MFAP1: variants seen among roughly 807,000 people sequenced by gnomAD.
The protein encoded by MFAP1 is microfibril associated protein 1, also known as microfibrillar-associated protein 1.
Under a neutral mutation model 62.2 loss-of-function variants are expected in MFAP1, and 18 were observed. That is an observed-to-expected ratio of 0.29 (90% CI 0.20 to 0.43). The LOEUF (loss-of-function observed/expected upper bound fraction) is 0.43. Ranked by LOEUF, MFAP1 falls within the 20% of genes least tolerant of loss-of-function variation. The probability of loss-of-function intolerance (pLI) is 1.00; values close to 1 mark genes in which losing one functional copy is unlikely to be tolerated. For synonymous variants in MFAP1, 175 were observed against 180.4 expected (o/e 0.97, Z 0.24); for missense variants, 355 against 559.7 (o/e 0.63, Z 3.69).
chr15:43,811,656 A>C (rs572810136), intron 6 of MFAP1, among the ~76,000 whole-genome samples: 1 of 151,650 alleles, frequency 6.6e-6, no homozygotes, highest in South Asian at 2.1e-4. Context: ...TAACAGGCAC[A>C]CACCACCACA....
At chr15:43,806,495 T>C (rs1288536680) in intron 7 of MFAP1, among the ~76,000 whole-genome samples, 2 of 152,222 alleles carry the variant, frequency 1.3e-5, no homozygotes, top group East Asian at 3.9e-4. Flanking sequence ...CAGTCTCACA[T>C]ACTGTCATGG....
intron 1 of MFAP1, 118 bp downstream of exon 1, chr15:43,824,373 C>G: frequency 1.0e-6 from 1 of 979,290 alleles, no homozygotes; most frequent in Non-Finnish European, 1.5e-6. Context: ...ATCGAAGAAT[C>G]TGGCAGCCAG....
intron 1 of MFAP1, among the ~76,000 whole-genome samples, chr15:43,819,782 C>T (rs1408937322): frequency 1.3e-5 from 2 of 152,192 alleles, no homozygotes; most frequent in Admixed American, 6.5e-5. Context: ...ATCTGCCAGC[C>T]TCAGTATCAT....
intron 7 of MFAP1, among the ~76,000 whole-genome samples, chr15:43,809,407 G>A (rs2087384403): frequency 6.6e-6 from 1 of 151,552 alleles, no homozygotes; most frequent in African/African-American, 2.4e-5. Context: ...GGCTGAAGCA[G>A]GTGTAAAGCG....
intron 1 of MFAP1, among the ~76,000 whole-genome samples, chr15:43,821,093 T>G (rs2087464260): frequency 6.6e-6 from 1 of 152,096 alleles, no homozygotes; most frequent in South Asian, 2.1e-4. Flanking sequence ...AGCACTGTAT[T>G]TTTTGGGGTC....
chr15:43,814,891 G>A, intron 3 of MFAP1, 54 bp downstream of exon 3: 1 of 1,605,190 alleles, frequency 6.2e-7, no homozygotes. Context: ...ATGAGCACTG[G>A]CATGAACTTT....
rs2087352004 is a variant in MFAP1 at position 43,804,915 on chromosome 15, C to T, written c.*179G>A. The T allele has an allele frequency of 3.5e-6, 2 of 578,498 alleles. No individual in the cohort carries two copies. Among genetic ancestry groups the T allele is most frequent in the South Asian group, 7.3e-5 (2 of 27,536 alleles). The allele number at this position is 578,498 out of a possible 1,614,324, so 35.8% of individuals were successfully genotyped here. A position where few individuals can be genotyped will look rare whatever the true frequency, so the allele number is the denominator to read the frequency against. On this transcript the variant is annotated 3_prime_UTR_variant, in exon 9 of 9. Coordinates refer to ENST00000267812, the MANE Select transcript of MFAP1 (RefSeq NM_005926.3). ...GGACAGTGCTTTCCTGTGGGTTTCT[C>T]AGCATGAGTCCAAACCTCACAAAGC...
At chr15:43,815,184 GTTT>G (rs376034405) in intron 2 of MFAP1, 110 bp from the exon 3 acceptor site, 10 of 1,181,176 alleles carry the variant, frequency 8.5e-6, no homozygotes, top group East Asian at 2.7e-5. Flanking sequence ...TAATACTGAA[GTTT>G]TTTTTTTTTT....
rs1440521560 is a variant in MFAP1 at position 43,805,084 on chromosome 15, C to T, written c.*10G>A. ...TGTGTTCCACAGTTGGAAGAATAAG[C>T]AGTTGGACCCTAGGTAGTTTTCCGC... On this transcript the variant is annotated 3_prime_UTR_variant, in exon 9 of 9. Transcript: ENST00000267812. 1 of 1,564,280 alleles carries T rather than the reference C, an allele frequency of 6.4e-7. No homozygotes were observed. The highest frequency in any genetic ancestry group is 2.3e-5 in the East Asian group (1 of 43,830).
intron 1 of MFAP1, among the ~76,000 whole-genome samples, chr15:43,824,051 TTAA>T (rs1245863399): frequency 2.0e-5 from 3 of 151,852 alleles, no homozygotes; most frequent in Admixed American, 1.3e-4. Context: ...AATTATTAGA[TTAA>T]TAATATACTT....
chr15:43,815,211 G>T, intron 2 of MFAP1, 137 bp from the exon 3 acceptor site: 1 of 1,098,186 alleles, frequency 9.1e-7, no homozygotes, highest in Non-Finnish European at 1.3e-6. Flanking sequence ...GCAGGGTCTT[G>T]CTCTGTCGCC....
At position 43,805,283 on chromosome 15, in the gene MFAP1, G is replaced by T; in HGVS notation, c.1138-7C>A. The stretch of plus-strand genomic sequence containing the variant: ...AGCGTCCAAAGTTCTTGACCTGAGG[G>T]AAGGATGGATGATGAGTTATACCAC... On this transcript the variant is annotated splice_polypyrimidine_tract_variant and splice_region_variant and intron_variant, in intron 8 of 8. Transcript: ENST00000267812. 1 of 1,595,592 alleles carries T rather than the reference G, an allele frequency of 6.3e-7. No homozygotes were observed. The highest frequency in any genetic ancestry group is 8.6e-7 in the Non-Finnish European group (1 of 1,166,788).
intron 7 of MFAP1, among the ~76,000 whole-genome samples, chr15:43,808,198 A>C (rs2087377600): frequency 6.6e-6 from 1 of 152,220 alleles, no homozygotes; most frequent in African/African-American, 2.4e-5. Context: ...TTGTTTAAGA[A>C]AGACTTTTTA....
At chr15:43,809,118 A>G (rs951483184) in intron 7 of MFAP1, among the ~76,000 whole-genome samples, 8 of 152,138 alleles carry the variant, frequency 5.3e-5, no homozygotes, top group African/African-American at 1.9e-4. Flanking sequence ...AAGAATGACA[A>G]CTATGTCATG....
chr15:43,816,485 T>C (rs879884643), intron 2 of MFAP1, among the ~76,000 whole-genome samples: 2 of 152,072 alleles, frequency 1.3e-5, no homozygotes, highest in African/African-American at 4.8e-5. Context: ...GACCTCGTGA[T>C]CCACCCGCCT....
At chr15:43,815,701 T>TG (rs2087429992) in intron 2 of MFAP1, among the ~76,000 whole-genome samples, 1 of 151,924 alleles carries the variant, frequency 6.6e-6, no homozygotes, top group African/African-American at 2.4e-5. Flanking sequence ...GGCATGATCT[T>TG]GGCTCACCAC....
rs1274130050 is a variant in MFAP1 at position 43,813,245 on chromosome 15, G to A, written c.726+4C>T. 3 of 1,613,970 alleles carry A rather than the reference G, an allele frequency of 1.9e-6. No individual in the cohort carries two copies. The highest frequency in any genetic ancestry group is 2.5e-6 in the Non-Finnish European group (3 of 1,180,010). The stretch of plus-strand genomic sequence containing the variant: ...ACTCATTCCTTGCAACCACTCCCCA[G>A]TACCTTGAGTGTGTACTTGCGCCTT... On this transcript the variant is annotated splice_donor_region_variant and intron_variant, in intron 5 of 8. Coordinates refer to ENST00000267812, the MANE Select transcript of MFAP1 (RefSeq NM_005926.3).
intron 7 of MFAP1, among the ~76,000 whole-genome samples, chr15:43,806,103 G>C (rs1438827324): frequency 6.6e-6 from 1 of 151,974 alleles, no homozygotes; most frequent in African/African-American, 2.4e-5. Flanking sequence ...GACTACAGGT[G>C]CATGCAACTA....
chr15:43,812,791 C>T (rs920164729), intron 6 of MFAP1, among the ~76,000 whole-genome samples, 196 bp downstream of exon 6: 6 of 152,174 alleles, frequency 3.9e-5, no homozygotes, highest in East Asian at 1.9e-4. Context: ...GGACACACAT[C>T]GACAAAGTGT....
Sources: gnomAD v4.1 joint callset for allele counts (sites outside exome capture counted in the v4.1 genomes callset) on GRCh38, gnomAD v4.1.1 for gene constraint, MANE v1.5 for transcripts, NCBI Gene and HGNC (gene_info 2026-07-23, HGNC 2026-07-21) for gene names.